The following STAT1 variants were observed in gnomAD, a reference collection of about 807,000 sequenced individuals.
The protein encoded by STAT1 is signal transducer and activator of transcription 1, also known as signal transducer and activator of transcription 1-alpha/beta.
STAT1 carries 24 observed loss-of-function variants against 111.7 expected under a neutral mutation model. The observed-to-expected ratio is 0.21, with a 90% CI of 0.16 to 0.30. The LOEUF is 0.30. Ranked by LOEUF, STAT1 falls within the 10% of genes least tolerant of loss-of-function variation. The pLI, the probability that STAT1 is intolerant of heterozygous loss-of-function variation, is 1.00. For synonymous variants in STAT1, 332 were observed against 326.5 expected (o/e 1.02, Z -0.18); for missense variants, 351 against 911.9 (o/e 0.38, Z 7.92).
intron 10 of STAT1, chr2:190,992,856 C>T (rs1693488717): frequency 3.3e-6 from 1 of 307,030 alleles, no homozygotes; most frequent in Non-Finnish European, 5.8e-6. Flanking sequence ...ATGGCGCAAT[C>T]TCGGCTCACT....
rs115254498 is a variant in STAT1 at position 190,989,258 on chromosome 2, A to C, written c.1097+357T>G. On this transcript the variant is annotated intron_variant, in intron 12 of 24. Transcript: ENST00000361099. The surrounding 1 kb of genome is among the most constrained non-coding windows in gnomAD (Gnocchi z 5.0). ...AGCCACTTTGAGACTTGCTGATTAC[A>C]ATCTCATATGCACAAAGAGACACTC... Among the ~76,000 whole-genome samples the C allele has an allele frequency of 4.1e-3, 618 of 152,314 alleles. 4 individuals are homozygous for C. The highest frequency in any genetic ancestry group is 6.1e-3 in the Non-Finnish European group (412 of 68,038).
At chr2:190,994,927 A>AAAAAG (rs1165918318) in intron 10 of STAT1, 134 bp downstream of exon 10, 1 of 134,084 alleles carries the variant, frequency 7.5e-6, no homozygotes, top group Non-Finnish European at 1.3e-5. Flanking sequence ...AAAAAAAAAA[A>AAAAAG]ATATATATAT....
At chr2:191,008,874 T>C (rs1348182429) in intron 4 of STAT1, 89 bp downstream of exon 4, 8 of 1,382,442 alleles carry the variant, frequency 5.8e-6, no homozygotes, top group Non-Finnish European at 8.0e-6. Flanking sequence ...TACCAATAAG[T>C]GTGTGCTCAA....
rs41499444 is a variant in STAT1 at position 190,984,954 on chromosome 2, G to A, written c.1264-561C>T. ...AGGGAGGTCAAAACATAGTTCAGGC[G>A]CACACCAGGGCTAGAAGGCATCTTT... On this transcript the variant is annotated intron_variant, in intron 15 of 24. Transcript: ENST00000361099. This position sits in a 1 kb window ranked among gnomAD's most constrained non-coding sequence, Gnocchi z 5.2. 8.8e-3 allele frequency among the ~76,000 whole-genome samples: 1,346 copies of A among 152,318 alleles called. 10 individuals are homozygous for A. Among genetic ancestry groups the A allele is most frequent in the Middle Eastern group, 0.054 (16 of 294 alleles).
Position 190,985,604 on chromosome 2 carries a change from T to G in STAT1, c.1263+15A>C. The stretch of plus-strand genomic sequence containing the variant: ...GCCTGATTTGGGCCCATTCACAACA[T>G]AAAGGGACTCTCACCTCATTCGTTC... On this transcript the variant is annotated intron_variant, in intron 15 of 24. Transcript: ENST00000361099. 1 of 1,614,166 alleles carries G rather than the reference T, an allele frequency of 6.2e-7. No individual in the cohort carries two copies.
At chr2:191,001,802 T>C (rs1031442918) in intron 5 of STAT1, among the ~76,000 whole-genome samples, 25 of 152,342 alleles carry the variant, frequency 1.6e-4, no homozygotes, top group African/African-American at 6.0e-4. Flanking sequence ...ACTTGCTTCA[T>C]ACACCAGATG....
chr2:191,003,242 C>T lies in STAT1; in HGVS notation c.373-2079G>A, dbSNP rs1694415267. Among the ~76,000 whole-genome samples the T allele has an allele frequency of 6.6e-6, 1 of 152,216 alleles. No individual in the cohort carries two copies. The highest frequency in any genetic ancestry group is 2.4e-5 in the African/African-American group (1 of 41,464). On this transcript the variant is annotated intron_variant, in intron 5 of 24. Coordinates refer to ENST00000361099, the MANE Select transcript of STAT1 (RefSeq NM_007315.4). This position sits in a 1 kb window ranked among gnomAD's most constrained non-coding sequence, Gnocchi z 4.0. ...GTGTATTAGAAATACATGAATGTTA[C>T]TGGTATCCTCTGTAAGTCCAAGGTG...
At position 190,969,713 on chromosome 2, in the gene STAT1, G is replaced by GT. The variant is rs1691309967; in HGVS notation, c.*989dup. 1 of 152,174 alleles carries GT rather than the reference G, an allele frequency of 6.6e-6. No individual in the cohort carries two copies. Among genetic ancestry groups the GT allele is most frequent in the Non-Finnish European group, 1.5e-5 (1 of 68,010 alleles). 9.4% of individuals were successfully genotyped at this position (152,174 alleles called of 1,614,324 possible). A position where few individuals can be genotyped will look rare whatever the true frequency, so the allele number is the denominator to read the frequency against. ...ATCTGATTCTCATATTATCTCTGGTGTATTATTCAAGTTGTCAGTTACTGC... is the reference window on the plus strand; with the variant it reads ...ATCTGATTCTCATATTATCTCTGGTGTTATTATTCAAGTTGTCAGTTACTGC... On this transcript the variant is annotated 3_prime_UTR_variant, in exon 25 of 25. Coordinates refer to ENST00000361099, the MANE Select transcript of STAT1 (RefSeq NM_007315.4).
chr2:190,984,973 C>A lies in STAT1; in HGVS notation c.1264-580G>T, dbSNP rs1224618563. Among the ~76,000 whole-genome samples, 3 of 152,244 alleles carry A rather than the reference C, an allele frequency of 2.0e-5. No individual in the cohort carries two copies. Among genetic ancestry groups the A allele is most frequent in the Non-Finnish European group, 2.9e-5 (2 of 68,042 alleles). On this transcript the variant is annotated intron_variant, in intron 15 of 24. Transcript: ENST00000361099. This position sits in a 1 kb window ranked among gnomAD's most constrained non-coding sequence, Gnocchi z 5.2. Reference sequence around the variant, plus strand: ...TCAGGCGCACACCAGGGCTAGAAGGCATCTTTGCACTGCCTGGGCCTGTGT... The same window carrying A: ...TCAGGCGCACACCAGGGCTAGAAGGAATCTTTGCACTGCCTGGGCCTGTGT...
intron 3 of STAT1, 117 bp from the exon 4 acceptor site, chr2:191,009,224 G>C (rs2125101484): frequency 1.6e-6 from 2 of 1,288,760 alleles, no homozygotes; most frequent in South Asian, 1.4e-5. Context: ...TATTTTCTTA[G>C]GTTTATTTTC....
intron 10 of STAT1, among the ~76,000 whole-genome samples, chr2:190,994,696 A>G (rs1363414864): frequency 1.3e-5 from 2 of 151,914 alleles, no homozygotes; most frequent in Non-Finnish European, 1.5e-5. Context: ...CGAGGAGGGC[A>G]GATCACCTGA....
chr2:191,013,402 A>T (rs1176209255), intron 2 of STAT1, 123 bp downstream of exon 2: 2 of 378,222 alleles, frequency 5.3e-6, no homozygotes, highest in Non-Finnish European at 9.3e-6. Context: ...GGGGTCTGCA[A>T]AAACTAAACA....
rs1691891358 is a variant in STAT1, at chr2:190,976,149, C to T, written c.2060-262G>A. ...AGCTAGGAGCTTTCTCTTTACACAA[C>T]TTGAAATCTTACAAGAAGTCTGAGC... On this transcript the variant is annotated intron_variant, in intron 22 of 24. Transcript: ENST00000361099. The surrounding 1 kb of genome is among the most constrained non-coding windows in gnomAD (Gnocchi z 6.0). 6.6e-6 allele frequency among the ~76,000 whole-genome samples: 1 copy of T among 152,210 alleles called. No individual in the cohort carries two copies. The highest frequency in any genetic ancestry group is 1.9e-4 in the East Asian group (1 of 5,196).
At chr2:190,985,577 C>T in intron 15 of STAT1, 42 bp downstream of exon 15, 1 of 1,612,162 alleles carries the variant, frequency 6.2e-7, no homozygotes, top group Non-Finnish European at 8.5e-7. Flanking sequence ...CTAGACAGAC[C>T]TGCCTGATTT....
At position 190,969,165 on chromosome 2, in the gene STAT1, T is replaced by G. The variant is rs946639566; in HGVS notation, c.*1538A>C. 1 of 152,096 alleles carries G rather than the reference T, an allele frequency of 6.6e-6. No homozygotes were observed. The highest frequency in any genetic ancestry group is 1.5e-5 in the Non-Finnish European group (1 of 67,988). 9.4% of individuals were successfully genotyped at this position (152,096 alleles called of 1,614,324 possible). ...CCTCAGCAATTAGAAACAATATTGT[T>G]TTAATGTTGTCTTCTTTGTTTTTTA... On this transcript the variant is annotated 3_prime_UTR_variant, in exon 25 of 25. Transcript: ENST00000361099.
Position 190,997,752 on chromosome 2 carries a change from A to G in STAT1, c.785+104T>C. On this transcript the variant is annotated intron_variant, in intron 9 of 24. Transcript: ENST00000361099. This position sits in a 1 kb window ranked among gnomAD's most constrained non-coding sequence, Gnocchi z 7.3. Reference sequence around the variant, plus strand: ...GCTGGACTATGTCAAACTCTATACTAATGTTTTGACAGGGTCCATTCAACT... The same window carrying G: ...GCTGGACTATGTCAAACTCTATACTGATGTTTTGACAGGGTCCATTCAACT... 6.6e-7 allele frequency: 1 copy of G among 1,517,596 alleles called. No individual in the cohort carries two copies. The highest frequency in any genetic ancestry group is 2.3e-5 in the East Asian group (1 of 44,176). 94.0% of individuals were successfully genotyped at this position (1,517,596 alleles called of 1,614,324 possible). A position where few individuals can be genotyped will look rare whatever the true frequency, so the allele number is the denominator to read the frequency against.
chr2:190,985,566 G>C, intron 15 of STAT1, 53 bp downstream of exon 15: 1 of 1,602,920 alleles, frequency 6.2e-7, no homozygotes, highest in Non-Finnish European at 8.5e-7. Flanking sequence ...ACCTGTCCTT[G>C]CTAGACAGAC....
rs951352631 is a variant in STAT1, at chr2:190,986,854, C to G, written c.1221G>C (p.Leu407=). 6.2e-7 allele frequency: 1 copy of G among 1,614,022 alleles called. No individual in the cohort carries two copies. The highest frequency in any genetic ancestry group is 8.5e-7 in the Non-Finnish European group (1 of 1,179,882). ...ATAGAGAGGAAACTGATGTCCCTACCAGGTGCCGAAATTCAGCCGCCAGAC... is the reference window on the plus strand; with the variant it reads ...ATAGAGAGGAAACTGATGTCCCTACGAGGTGCCGAAATTCAGCCGCCAGAC... The part of the protein sequence containing the change: ...NGSLAAEFRH[L]QLKEQKNAGT... Residue 407 remains leucine, a splice_region_variant and synonymous_variant, in exon 14 of 25, where the codon CTG becomes CTC. Coordinates refer to ENST00000361099, the MANE Select transcript of STAT1 (RefSeq NM_007315.4). This position sits in a 1 kb window ranked among gnomAD's most constrained non-coding sequence, Gnocchi z 5.0.
intron 3 of STAT1, 125 bp from the exon 4 acceptor site, chr2:191,009,232 T>C: frequency 8.0e-7 from 1 of 1,243,884 alleles, no homozygotes; most frequent in Non-Finnish European, 1.1e-6. Flanking sequence ...TAGGTTTATT[T>C]TCTTCTTTTG....
Sources: allele counts gnomAD v4.1 joint callset (sites outside exome capture counted in the v4.1 genomes callset), GRCh38; gene constraint gnomAD v4.1.1; non-coding constraint Gnocchi (gnomAD v3.1); transcripts MANE v1.5; gene names NCBI Gene and HGNC (gene_info 2026-07-23, HGNC 2026-07-21).